The following GPAT3 variants were observed in gnomAD, a reference collection of about 807,000 sequenced individuals.
The protein encoded by GPAT3 is 1-AGP acyltransferase 9.
Under a neutral mutation model 58.8 loss-of-function variants are expected in GPAT3, and 53 were observed. The observed-to-expected ratio is 0.90, with a 90% CI of 0.72 to 1.13. The LOEUF (loss-of-function observed/expected upper bound fraction) is 1.13, where lower values mean the gene tolerates loss of function less well. GPAT3 is among the 50% of genes most tolerant of loss of function. The pLI, the probability that GPAT3 is intolerant of heterozygous loss-of-function variation, is 0.00. For synonymous variants in GPAT3, 197 were observed against 187.4 expected, an observed-to-expected ratio of 1.05 and a Z score of -0.42; for missense variants, 511 against 527.6, an observed-to-expected ratio of 0.97 and a Z score of 0.31.
chr4:83,590,679 C>T (rs1301096704), intron 6 of GPAT3, among the ~76,000 whole-genome samples: 1 of 152,116 alleles, frequency 6.6e-6, no homozygotes, highest in East Asian at 1.9e-4. Flanking sequence ...CCTTCAGGGA[C>T]TTATATGCAA....
chr4:83,553,525 A>G (rs116307691), intron 2 of GPAT3, among the ~76,000 whole-genome samples: 5 of 152,144 alleles, frequency 3.3e-5, no homozygotes, highest in African/African-American at 7.2e-5. Context: ...TTAGTCCAAA[A>G]CCCCTCAGCA....
intron 7 of GPAT3, among the ~76,000 whole-genome samples, chr4:83,595,680 C>T (rs986844206): frequency 6.6e-6 from 1 of 151,942 alleles, no homozygotes; most frequent in African/African-American, 2.4e-5. Flanking sequence ...CACTACTGCC[C>T]TCCAGCCTAG....
Position 83,597,528 on chromosome 4 carries a change from C to A in GPAT3, c.996+13C>A. On this transcript the variant is annotated intron_variant, in intron 9 of 11. Transcript: ENST00000264409. ...AGTTGCAATTAAGGTAAAACAGATA[C>A]CATAATAAGAATAATAATTATTATA... 2 of 1,441,100 alleles carry A rather than the reference C, an allele frequency of 1.4e-6. No homozygotes were observed. The highest frequency in any genetic ancestry group is 9.4e-7 in the Non-Finnish European group (1 of 1,059,986). 89.3% of individuals were successfully genotyped at this position (1,441,100 alleles called of 1,614,324 possible). A position where few individuals can be genotyped will look rare whatever the true frequency, so the allele number is the denominator to read the frequency against.
intron 2 of GPAT3, among the ~76,000 whole-genome samples, chr4:83,575,321 A>ATCTG (rs1725769369): frequency 6.6e-6 from 1 of 152,174 alleles, no homozygotes; most frequent in Non-Finnish European, 1.5e-5. Flanking sequence ...GGTAAATTGG[A>ATCTG]TCTGTAACTC....
At chr4:83,599,994 G>A (rs1032022061) in intron 11 of GPAT3, among the ~76,000 whole-genome samples, 1 of 152,164 alleles carries the variant, frequency 6.6e-6, no homozygotes, top group African/African-American at 2.4e-5. Context: ...TTATGTGAAT[G>A]TGGTCTCTCT....
In GPAT3 at chr4:83,598,656, G is replaced by T; in HGVS notation, c.1138G>T (p.Ala380Ser). Reference sequence around the variant, plus strand: ...TTTTTTAAACCAGGAAGGAGAAGATGCAGTCCAGTTTGCTAACAGGGTTAA... The same window carrying T: ...TTTTTTAAACCAGGAAGGAGAAGATTCAGTCCAGTTTGCTAACAGGGTTAA... Reference protein sequence around the residue: ...PPMTREEGEDAVQFANRVKSA... With the variant: ...PPMTREEGEDSVQFANRVKSA... The change falls in exon 11 of 12, where the codon GCA (alanine) becomes TCA (serine). Residue 380 changes from alanine to serine, a missense_variant. By Grantham distance (99) the Ala-to-Ser change is moderately conservative. Transcript: ENST00000264409. 6.3e-7 allele frequency: 1 copy of T among 1,586,898 alleles called. No individual in the cohort carries two copies. Among genetic ancestry groups the T allele is most frequent in the Non-Finnish European group, 8.6e-7 (1 of 1,167,260 alleles).
At chr4:83,561,260 GA>G (rs1725115478) in intron 2 of GPAT3, among the ~76,000 whole-genome samples, 1 of 152,070 alleles carries the variant, frequency 6.6e-6, no homozygotes, top group African/African-American at 2.4e-5. Flanking sequence ...AAACAAAACA[GA>G]ATTTTTTTAA....
chr4:83,562,896 C>T (rs757459515), intron 2 of GPAT3, among the ~76,000 whole-genome samples: 1 of 152,004 alleles, frequency 6.6e-6, no homozygotes, highest in Non-Finnish European at 1.5e-5. Context: ...ATTTTTCTCC[C>T]AAGAATAATA....
intron 2 of GPAT3, among the ~76,000 whole-genome samples, chr4:83,550,345 A>G (rs1724709178): frequency 6.6e-6 from 1 of 152,116 alleles, no homozygotes; most frequent in African/African-American, 2.4e-5. Context: ...GTTTTTCTTT[A>G]GCATGGCCAA....
intron 2 of GPAT3, among the ~76,000 whole-genome samples, chr4:83,580,165 C>T (rs887331000): frequency 5.9e-5 from 9 of 152,106 alleles, no homozygotes; most frequent in African/African-American, 2.2e-4. Context: ...TGACAGTAGT[C>T]ATTTTTCAAT....
At chr4:83,578,889 C>T (rs1398174473) in intron 2 of GPAT3, among the ~76,000 whole-genome samples, 1 of 146,568 alleles carries the variant, frequency 6.8e-6, no homozygotes, top group Non-Finnish European at 1.5e-5. Context: ...TCCCTTCCCT[C>T]CCTCCCTCTT....
intron 2 of GPAT3, among the ~76,000 whole-genome samples, chr4:83,560,606 A>G (rs1274983704): frequency 6.6e-6 from 1 of 152,184 alleles, no homozygotes; most frequent in African/African-American, 2.4e-5. Flanking sequence ...TGCAGAGGAC[A>G]GCAACTTGGA....
In GPAT3 at chr4:83,547,286, T is replaced by G. The variant is rs77308295; in HGVS notation, c.208+2684T>G. On this transcript the variant is annotated intron_variant, in intron 2 of 11. Coordinates refer to ENST00000264409, the MANE Select transcript of GPAT3 (RefSeq NM_032717.5). Reference sequence around the variant, plus strand: ...TTTTTTTTTTGAGATGGAGTCTTGCTCTGTCACCCAGGCTGGAGTGCAGTG... The same window carrying G: ...TTTTTTTTTTGAGATGGAGTCTTGCGCTGTCACCCAGGCTGGAGTGCAGTG... Among the ~76,000 whole-genome samples, 130 of 139,622 alleles carry G rather than the reference T, an allele frequency of 9.3e-4. 7 individuals are homozygous for G. The East Asian group carries it at 0.024, about 26-fold the overall frequency. The allele number at this position is 139,622 out of a possible 152,430, so 91.6% of individuals were successfully genotyped here.
At position 83,567,069 on chromosome 4, in the gene GPAT3, A is replaced by G. The variant is rs547374036; in HGVS notation, c.209-14493A>G. On this transcript the variant is annotated intron_variant, in intron 2 of 11. Coordinates refer to ENST00000264409, the MANE Select transcript of GPAT3 (RefSeq NM_032717.5). ...TTTTGTTCAGATATATAATTATTTT[A>G]TCTTCAGATATTGATAGGCTTGCCA... Among the ~76,000 whole-genome samples the G allele has an allele frequency of 2.0e-5, 3 of 152,284 alleles. No individual in the cohort carries two copies. In the East Asian group the frequency reaches 5.8e-4, roughly 29 times the overall value.
chr4:83,543,292 T>C (rs567564391), intron 1 of GPAT3, among the ~76,000 whole-genome samples: 37 of 152,150 alleles, frequency 2.4e-4, no homozygotes, highest in Non-Finnish European at 4.1e-4. Context: ...CCTTCAAGGG[T>C]GCTTATGTTC....
chr4:83,539,407 AC>A (rs1724214430), intron 1 of GPAT3, among the ~76,000 whole-genome samples: 1 of 152,214 alleles, frequency 6.6e-6, no homozygotes, highest in Non-Finnish European at 1.5e-5. Flanking sequence ...TAATTTATGT[AC>A]CATTTAAAAA....
At chr4:83,543,512 G>A (rs1193740809) in intron 1 of GPAT3, among the ~76,000 whole-genome samples, 1 of 152,162 alleles carries the variant, frequency 6.6e-6, no homozygotes, top group Non-Finnish European at 1.5e-5. Context: ...CAAAGTGAGA[G>A]TTGTTTTCCA....
At chr4:83,572,022 G>A (rs772282212) in intron 2 of GPAT3, among the ~76,000 whole-genome samples, 20 of 151,960 alleles carry the variant, frequency 1.3e-4, no homozygotes, top group Non-Finnish European at 2.5e-4. Flanking sequence ...ATCCACCCCC[G>A]TTGTCCTCCC....
intron 2 of GPAT3, among the ~76,000 whole-genome samples, chr4:83,558,340 C>T (rs1033121458): frequency 1.2e-4 from 19 of 152,026 alleles, no homozygotes; most frequent in Admixed American, 5.2e-4. Flanking sequence ...GGCTGGGTTA[C>T]GTGATAAAGG....
Sources: allele counts gnomAD v4.1 joint callset (sites outside exome capture counted in the v4.1 genomes callset), GRCh38; gene constraint gnomAD v4.1.1; transcripts MANE v1.5; gene names NCBI Gene and HGNC (gene_info 2026-07-23, HGNC 2026-07-21).